The following UQCRC2 variants were observed in gnomAD, a reference collection of about 807,000 sequenced individuals.
The protein encoded by UQCRC2 is ubiquinol-cytochrome c reductase core protein 2.
In UQCRC2, 49 loss-of-function variants were observed where a neutral mutation model predicts 55.6. That is an observed-to-expected ratio of 0.88 (90% CI 0.70 to 1.12). UQCRC2 has a LOEUF of 1.12. UQCRC2 is among the 50% of genes most tolerant of loss of function. UQCRC2 has a pLI of 0.00. For synonymous variants in UQCRC2, 193 were observed against 192.0 expected (o/e 1.01, Z -0.04); for missense variants, 506 against 547.8 (o/e 0.92, Z 0.76).
At chr16:21,973,073 C>G (rs1226800578) in intron 10 of UQCRC2, among the ~76,000 whole-genome samples, 1 of 152,202 alleles carries the variant, frequency 6.6e-6, no homozygotes, top group Non-Finnish European at 1.5e-5. Flanking sequence ...GCACTCCAGC[C>G]TGGGTGACAG....
At chr16:21,972,198 T>C in intron 10 of UQCRC2, 76 bp downstream of exon 10, 1 of 1,487,756 alleles carries the variant, frequency 6.7e-7, no homozygotes, top group South Asian at 1.2e-5. Flanking sequence ...GATAATCTAC[T>C]CTTAAAATGT....
rs753648710 is a variant in UQCRC2, at chr16:21,968,625, C to T, written c.613-3C>T. ...ACCTAATAAGTGTTTTTAACTTCCT[C>T]AGTTACATTACTTCGTTCAGAACCA... On this transcript the variant is annotated splice_polypyrimidine_tract_variant and splice_region_variant and intron_variant, in intron 7 of 13. Transcript: ENST00000268379. 3.7e-6 allele frequency: 6 copies of T among 1,604,176 alleles called. No homozygotes were observed. The highest frequency in any genetic ancestry group is 1.7e-5 in the Admixed American group (1 of 58,374).
At chr16:21,970,580 C>T (rs1252036309) in intron 8 of UQCRC2, among the ~76,000 whole-genome samples, 1 of 151,978 alleles carries the variant, frequency 6.6e-6, no homozygotes, top group Non-Finnish European at 1.5e-5. Context: ...ATTTGTATAA[C>T]TTTTTTTGTT....
intron 4 of UQCRC2, among the ~76,000 whole-genome samples, chr16:21,959,065 G>A (rs1372519593): frequency 6.6e-6 from 1 of 152,146 alleles, no homozygotes; most frequent in Non-Finnish European, 1.5e-5. Flanking sequence ...AATCTTTGCT[G>A]GTGGAGGGTC....
chr16:21,982,759 G>A (rs999764741), intron 13 of UQCRC2, among the ~76,000 whole-genome samples: 2 of 152,162 alleles, frequency 1.3e-5, no homozygotes, highest in Non-Finnish European at 2.9e-5. Flanking sequence ...GAGGCTAGGA[G>A]TTTGAGACCA....
At chr16:21,955,367 A>G (rs942168348) in intron 1 of UQCRC2, among the ~76,000 whole-genome samples, 1 of 152,226 alleles carries the variant, frequency 6.6e-6, no homozygotes, top group African/African-American at 2.4e-5. Flanking sequence ...GATGTACAAC[A>G]AACAGCCTTC....
chr16:21,978,790 T>C (rs146040671), intron 12 of UQCRC2, among the ~76,000 whole-genome samples: 104 of 152,300 alleles, frequency 6.8e-4, no homozygotes, highest in Non-Finnish European at 1.3e-3. Context: ...ACCAAAAATA[T>C]GTTGAGTTTC....
chr16:21,957,720 C>G (rs1186780961), intron 3 of UQCRC2, among the ~76,000 whole-genome samples, 154 bp downstream of exon 3: 2 of 152,192 alleles, frequency 1.3e-5, no homozygotes, highest in African/African-American at 2.4e-5. Flanking sequence ...ATAAGTTTAT[C>G]CTGTTACAGT....
chr16:21,983,153 T>C lies in UQCRC2; in HGVS notation c.1344T>C (p.Pro448=). 6.2e-7 allele frequency: 1 copy of C among 1,614,042 alleles called. No individual in the cohort carries two copies. The part of the protein sequence containing the change: ...MAASGNLGHT[P]FVDEL ...CAAGTGGAAATTTGGGACATACACC[T>C]TTTGTTGATGAGTTGTAATACTGAT... Residue 448 remains proline (P), a synonymous_variant, in exon 14 of 14, where the codon CCT becomes CCC. Coordinates refer to ENST00000268379, the MANE Select transcript of UQCRC2 (RefSeq NM_003366.4).
Position 21,953,368 on chromosome 16 carries a change from A to C in UQCRC2, c.-56A>C. 6.2e-7 allele frequency: 1 copy of C among 1,600,746 alleles called. No individual in the cohort carries two copies. The highest frequency in any genetic ancestry group is 8.5e-7 in the Non-Finnish European group (1 of 1,173,604). On this transcript the variant is annotated 5_prime_UTR_variant, in exon 1 of 14. Coordinates refer to ENST00000268379, the MANE Select transcript of UQCRC2 (RefSeq NM_003366.4). ...CGCTGGGAAACTCCCGGCCTCCGCCACCATCTTGCTTTCCTTTAATCCGGC... is the reference window on the plus strand; with the variant it reads ...CGCTGGGAAACTCCCGGCCTCCGCCCCCATCTTGCTTTCCTTTAATCCGGC...
intron 12 of UQCRC2, among the ~76,000 whole-genome samples, chr16:21,978,304 T>C (rs1898633261): frequency 6.6e-6 from 1 of 152,176 alleles, no homozygotes; most frequent in Non-Finnish European, 1.5e-5. Context: ...CAGCATTAAA[T>C]TGTAATTATG....
At chr16:21,965,918 A>T (rs1898314209) in intron 7 of UQCRC2, among the ~76,000 whole-genome samples, 1 of 152,056 alleles carries the variant, frequency 6.6e-6, no homozygotes, top group Admixed American at 6.5e-5. Flanking sequence ...TCTTAAGCTC[A>T]AGCAGTCCTT....
chr16:21,957,966 A>G lies in UQCRC2; in HGVS notation c.267+400A>G, dbSNP rs184209154. On this transcript the variant is annotated intron_variant, in intron 3 of 13. Transcript: ENST00000268379. ...GTCCACATTTCCTCCTGATAAGGAT[A>G]CCAGTTACATTAGATTTAGTGCCCA... Among the ~76,000 whole-genome samples the G allele has an allele frequency of 2.1e-3, 318 of 152,352 alleles. 1 individual carries two copies. The highest frequency in any genetic ancestry group is 3.8e-3 in the Non-Finnish European group (259 of 68,044).
chr16:21,956,705 T>G (rs1000340792), intron 1 of UQCRC2, among the ~76,000 whole-genome samples: 2 of 152,154 alleles, frequency 1.3e-5, no homozygotes, highest in African/African-American at 4.8e-5. Flanking sequence ...ACTCTATAAA[T>G]CACTAATAAA....
In UQCRC2 at chr16:21,974,046, C is replaced by T. The variant is rs144177992; in HGVS notation, c.1047+70C>T. 8.9e-4 allele frequency: 1,257 copies of T among 1,410,748 alleles called. 10 individuals carry two copies. The African/African-American group carries it at 0.014, about 16-fold the overall frequency. The allele number at this position is 1,410,748 out of a possible 1,614,324, so 87.4% of individuals were successfully genotyped here. On this transcript the variant is annotated intron_variant, in intron 11 of 13. Coordinates refer to ENST00000268379, the MANE Select transcript of UQCRC2 (RefSeq NM_003366.4). ...CTCCCCCCCGCCATAAACATGTTTT[C>T]GGTTAAAATATGGAATGTTTGAATG...
At position 21,962,744 on chromosome 16, in the gene UQCRC2, C is replaced by G; in HGVS notation, c.390-17C>G. On this transcript the variant is annotated splice_polypyrimidine_tract_variant and intron_variant, in intron 5 of 13. Coordinates refer to ENST00000268379, the MANE Select transcript of UQCRC2 (RefSeq NM_003366.4). Reference sequence around the variant, plus strand: ...TACATTTTTGACTCATAATTCTTATCTCGATGTCTTCTGTAGTGATATTCT... The same window carrying G: ...TACATTTTTGACTCATAATTCTTATGTCGATGTCTTCTGTAGTGATATTCT... 1 of 1,613,882 alleles carries G rather than the reference C, an allele frequency of 6.2e-7. No homozygotes were observed. The highest frequency in any genetic ancestry group is 1.1e-5 in the South Asian group (1 of 91,056).
chr16:21,978,975 C>T (rs2141947802), intron 12 of UQCRC2, among the ~76,000 whole-genome samples: 1 of 152,194 alleles, frequency 6.6e-6, no homozygotes, highest in African/African-American at 2.4e-5. Flanking sequence ...TGCCAAAACT[C>T]ACAGGTAATA....
chr16:21,981,141 A>G (rs937690689), intron 13 of UQCRC2, among the ~76,000 whole-genome samples: 1 of 152,330 alleles, frequency 6.6e-6, no homozygotes, highest in Admixed American at 6.5e-5. Context: ...CAGTCCTAGC[A>G]ATATTTCACC....
At chr16:21,972,981 T>C (rs759674043) in intron 10 of UQCRC2, among the ~76,000 whole-genome samples, 4 of 152,190 alleles carry the variant, frequency 2.6e-5, no homozygotes, top group Non-Finnish European at 5.9e-5. Context: ...ACGCCTGTAG[T>C]CCCAGCTACT....
Sources: allele counts gnomAD v4.1 joint callset (sites outside exome capture counted in the v4.1 genomes callset), GRCh38; gene constraint gnomAD v4.1.1; transcripts MANE v1.5; gene names NCBI Gene and HGNC (gene_info 2026-07-23, HGNC 2026-07-21).